CDH12: variants seen among roughly 807,000 people sequenced by gnomAD.
CDH12 encodes the protein cadherin 12.
CDH12 carries 41 observed loss-of-function variants against 74.1 expected under a neutral mutation model. The observed-to-expected ratio is 0.55, with a 90% CI of 0.43 to 0.72. The LOEUF is 0.72. Among genes scored for constraint, CDH12 ranks in the 30% least tolerant of loss-of-function variants. The probability of loss-of-function intolerance (pLI) is 0.00; values close to 1 mark genes in which losing one functional copy is unlikely to be tolerated. For missense variants in CDH12, 945 were observed against 977.2 expected (o/e 0.97, Z 0.44); for synonymous variants, 399 against 355.0 (o/e 1.12, Z -1.39).
chr5:21,996,719 A>T (rs1386654884), intron 5 of CDH12, among the ~76,000 whole-genome samples: 1 of 152,172 alleles, frequency 6.6e-6, no homozygotes, highest in Non-Finnish European at 1.5e-5. Flanking sequence ...AAATAAAACA[A>T]GTTTTGTTTT....
At chr5:22,693,126 C>G (rs1742170908) in intron 1 of CDH12, among the ~76,000 whole-genome samples, 2 of 152,108 alleles carry the variant, frequency 1.3e-5, no homozygotes, top group East Asian at 3.9e-4. Context: ...GCTGGGATGA[C>G]AAGCACACAC....
chr5:22,517,326 G>A (rs1736854398), intron 1 of CDH12, among the ~76,000 whole-genome samples: 1 of 151,506 alleles, frequency 6.6e-6, no homozygotes, highest in South Asian at 2.1e-4. Context: ...TTGAAATTTT[G>A]CCTTCTGCCA....
At chr5:22,007,684 A>G (rs569219792) in intron 5 of CDH12, among the ~76,000 whole-genome samples, 1 of 152,328 alleles carries the variant, frequency 6.6e-6, no homozygotes, top group South Asian at 2.1e-4. Context: ...AGAGATGCAA[A>G]CCGAAAATAA....
intron 2 of CDH12, among the ~76,000 whole-genome samples, chr5:22,496,998 T>A (rs1286568707): frequency 6.6e-6 from 1 of 152,178 alleles, no homozygotes; most frequent in Non-Finnish European, 1.5e-5. Context: ...AGCTGTGTGA[T>A]CTTGGAAAAT....
At chr5:22,026,173 G>T (rs1235917371) in intron 5 of CDH12, among the ~76,000 whole-genome samples, 1 of 152,152 alleles carries the variant, frequency 6.6e-6, no homozygotes, top group Non-Finnish European at 1.5e-5. Flanking sequence ...TCAGAGGCAT[G>T]GCGCCAGGCA....
intron 6 of CDH12, among the ~76,000 whole-genome samples, chr5:21,957,077 C>T (rs985440849): frequency 2.0e-5 from 3 of 152,144 alleles, no homozygotes; most frequent in South Asian, 4.1e-4. Flanking sequence ...CCTCCACTCT[C>T]AAGTAGACTC....
Position 22,525,882 on chromosome 5 carries a change from A to G in CDH12, c.-522-20518T>C, listed in dbSNP as rs538190190. On this transcript the variant is annotated intron_variant, in intron 1 of 14. Transcript: ENST00000382254. ...TTCCCTCCAGATGATGAATTCTAGA[A>G]TATAGTGAGGATTACCAAATCATGA... Among the ~76,000 whole-genome samples the G allele has an allele frequency of 2.0e-5, 3 of 152,322 alleles. No individual in the cohort carries two copies. In the East Asian group the frequency reaches 5.8e-4, roughly 29 times the overall value.
intron 1 of CDH12, among the ~76,000 whole-genome samples, chr5:22,629,104 A>G (rs1384091940): frequency 6.6e-6 from 1 of 152,124 alleles, no homozygotes; most frequent in East Asian, 1.9e-4. Flanking sequence ...TGAATCAGTA[A>G]TAAAAAGGCT....
chr5:21,998,286 G>C (rs960880884), intron 5 of CDH12, among the ~76,000 whole-genome samples: 2 of 152,112 alleles, frequency 1.3e-5, no homozygotes, highest in African/African-American at 4.8e-5. Flanking sequence ...ATAAAGGAGA[G>C]AATGAAACTA....
chr5:22,727,160 G>T (rs1744204073), intron 1 of CDH12, among the ~76,000 whole-genome samples: 1 of 151,648 alleles, frequency 6.6e-6, no homozygotes, highest in African/African-American at 2.4e-5. Flanking sequence ...AGAATTAACT[G>T]GGAACTTGCA....
intron 1 of CDH12, among the ~76,000 whole-genome samples, chr5:22,640,386 TTC>T (rs1739082588): frequency 6.6e-6 from 1 of 152,208 alleles, no homozygotes; most frequent in Non-Finnish European, 1.5e-5. Flanking sequence ...TCTCCTATAT[TTC>T]TGTTTCCTAT....
At chr5:22,245,790 A>C (rs1468732923) in intron 3 of CDH12, among the ~76,000 whole-genome samples, 1 of 152,148 alleles carries the variant, frequency 6.6e-6, no homozygotes, top group Non-Finnish European at 1.5e-5. Context: ...TGCATTAACA[A>C]GTGCAAGTGC....
intron 4 of CDH12, among the ~76,000 whole-genome samples, chr5:22,163,962 A>G (rs1182947775): frequency 1.2e-4 from 19 of 152,304 alleles, no homozygotes; most frequent in Admixed American, 1.1e-3. Context: ...TCATACTCAT[A>G]TAGTTACATA....
At chr5:21,977,409 C>T (rs1757115055) in intron 5 of CDH12, among the ~76,000 whole-genome samples, 1 of 152,010 alleles carries the variant, frequency 6.6e-6, no homozygotes, top group African/African-American at 2.4e-5. Flanking sequence ...ATTCCTTTTG[C>T]TTTCAAATTT....
At chr5:22,754,989 AT>A (rs1745814707) in intron 1 of CDH12, among the ~76,000 whole-genome samples, 1 of 152,058 alleles carries the variant, frequency 6.6e-6, no homozygotes, top group African/African-American at 2.4e-5. Context: ...TCTAACCCAT[AT>A]TTTTTTCTAT....
intron 4 of CDH12, among the ~76,000 whole-genome samples, chr5:22,117,366 G>A (rs1485128321): frequency 2.1e-5 from 3 of 142,162 alleles, no homozygotes; most frequent in Non-Finnish European, 3.0e-5. Context: ...ATAAAATCAA[G>A]TTATGAAATG....
intron 2 of CDH12, among the ~76,000 whole-genome samples, chr5:22,418,622 G>A (rs753788495): frequency 3.9e-5 from 6 of 152,028 alleles, no homozygotes; most frequent in Admixed American, 6.6e-5. Context: ...GGTAGCTCGC[G>A]CCTGTAATCC....
intron 6 of CDH12, among the ~76,000 whole-genome samples, chr5:21,921,072 C>T (rs1254367754): frequency 6.6e-6 from 1 of 152,190 alleles, no homozygotes; most frequent in Non-Finnish European, 1.5e-5. Flanking sequence ...ATTGTCATCT[C>T]TCTTCTGTCT....
chr5:22,217,182 G>A (rs1297355761), intron 3 of CDH12, among the ~76,000 whole-genome samples: 1 of 151,736 alleles, frequency 6.6e-6, no homozygotes, highest in African/African-American at 2.4e-5. Context: ...TGTAAATGGA[G>A]TAGATTAAAA....
Sources: gnomAD v4.1 joint callset for allele counts (sites outside exome capture counted in the v4.1 genomes callset) on GRCh38, gnomAD v4.1.1 for gene constraint, MANE v1.5 for transcripts, NCBI Gene and HGNC (gene_info 2026-07-23, HGNC 2026-07-21) for gene names.